SCN3A: variants seen among roughly 807,000 people sequenced by gnomAD.
The protein encoded by SCN3A is sodium channel protein type 3 subunit alpha.
SCN3A carries 60 observed loss-of-function variants against 187.6 expected under a neutral mutation model. The observed-to-expected ratio is 0.32, with a 90% confidence interval of 0.26 to 0.40. The LOEUF is 0.40. Ranked by LOEUF, SCN3A falls within the 10% of genes least tolerant of loss-of-function variation. The pLI is 1.00. For missense variants in SCN3A, 1,601 were observed against 2,428.2 expected (o/e 0.66, Z 7.16); for synonymous variants, 788 against 829.2 (o/e 0.95, Z 0.85).
At chr2:165,120,772 T>G (rs951190781) in intron 18 of SCN3A, among the ~76,000 whole-genome samples, 1 of 150,922 alleles carries the variant, frequency 6.6e-6, no homozygotes, top group Non-Finnish European at 1.5e-5. Context: ...TTGCTTGTCC[T>G]AGGCGGGAAG....
At position 165,170,662 on chromosome 2, in the gene SCN3A, T is replaced by G. The variant is rs192548549; in HGVS notation, c.265-114A>C. The stretch of plus-strand genomic sequence containing the variant: ...AATTTGTTTGTTCAAACTTGTTTGT[T>G]TAAACCAGTTGATATATCATAACTA... On this transcript the variant is annotated intron_variant, in intron 3 of 27. Coordinates refer to ENST00000283254, the MANE Select transcript of SCN3A (RefSeq NM_006922.4). 2.4e-3 allele frequency: 1,668 copies of G among 696,016 alleles called. 45 individuals are homozygous for G. The South Asian group carries it at 0.025, about 11-fold the overall frequency. 43.1% of individuals were successfully genotyped at this position (696,016 alleles called of 1,614,324 possible).
chr2:165,138,165 GTTA>G (rs1559219811), intron 14 of SCN3A, 48 bp from the exon 15 acceptor site: 2 of 1,318,864 alleles, frequency 1.5e-6, no homozygotes, highest in Non-Finnish European at 2.2e-6. Context: ...ACAAAAATGA[GTTA>G]TTATTGCTAG....
At chr2:165,125,069 C>T (rs545824921) in intron 18 of SCN3A, among the ~76,000 whole-genome samples, 1 of 152,132 alleles carries the variant, frequency 6.6e-6, no homozygotes, top group East Asian at 1.9e-4. Context: ...ATTCAACCAA[C>T]ACTTACCTCA....
At position 165,204,004 on chromosome 2, in the gene SCN3A, G is replaced by C. The variant is rs1326377643; in HGVS notation, c.-429C>G. 8.5e-6 allele frequency: 1 copy of C among 118,316 alleles called. No individual in the cohort carries two copies. Among genetic ancestry groups the C allele is most frequent in the African/African-American group, 3.3e-5 (1 of 29,888 alleles). The allele number at this position is 118,316 out of a possible 1,614,324, so 7.3% of individuals were successfully genotyped here. The stretch of plus-strand genomic sequence containing the variant: ...CTTTCTCTGTGGATAAGAAAACAAA[G>C]AGACCTTTCCAGAATCCTCTCTGCT... On this transcript the variant is annotated 5_prime_UTR_variant, in exon 1 of 28. Coordinates refer to ENST00000283254, the MANE Select transcript of SCN3A (RefSeq NM_006922.4).
At chr2:165,177,669 T>C (rs550122356) in intron 2 of SCN3A, among the ~76,000 whole-genome samples, 1 of 152,176 alleles carries the variant, frequency 6.6e-6, no homozygotes, top group South Asian at 2.1e-4. Context: ...ATCACCTGGA[T>C]GAGAAAGAAG....
intron 18 of SCN3A, among the ~76,000 whole-genome samples, chr2:165,125,843 T>G (rs540552212): frequency 5.9e-5 from 9 of 152,218 alleles, no homozygotes; most frequent in Non-Finnish European, 1.2e-4. Context: ...AAATTAGAGT[T>G]GAATTCTTAG....
At chr2:165,143,227 A>C (rs1052273709) in intron 12 of SCN3A, among the ~76,000 whole-genome samples, 15 of 152,180 alleles carry the variant, frequency 9.9e-5, no homozygotes, top group Admixed American at 7.2e-4. Context: ...ACCTCATCCT[A>C]CACTCAGAGA....
intron 11 of SCN3A, among the ~76,000 whole-genome samples, chr2:165,150,985 TTAAA>T (rs1238038846): frequency 6.6e-6 from 1 of 152,186 alleles, no homozygotes; most frequent in African/African-American, 2.4e-5. Context: ...AATAAAACTC[TTAAA>T]TAATTCAAAT....
At chr2:165,129,679 GC>G (rs1456331353) in intron 17 of SCN3A, among the ~76,000 whole-genome samples, 3 of 152,140 alleles carry the variant, frequency 2.0e-5, no homozygotes, top group Admixed American at 1.3e-4. Flanking sequence ...TAATATTTAT[GC>G]CCCCAGGCAT....
At chr2:165,152,547 C>G (rs1443984005) in intron 11 of SCN3A, among the ~76,000 whole-genome samples, 2 of 152,154 alleles carry the variant, frequency 1.3e-5, no homozygotes, top group African/African-American at 4.8e-5. Context: ...GTGCATGTGT[C>G]TTTATAGCAG....
chr2:165,168,253 A>G (rs942477224), intron 5 of SCN3A, among the ~76,000 whole-genome samples: 8 of 152,094 alleles, frequency 5.3e-5, no homozygotes, highest in African/African-American at 1.7e-4. Context: ...TTCAGCACAC[A>G]TGTTGTGTAT....
chr2:165,129,848 A>G (rs531502327), intron 17 of SCN3A, 92 bp downstream of exon 17: 7 of 1,507,918 alleles, frequency 4.6e-6, no homozygotes, highest in African/African-American at 1.4e-5. Context: ...GCCACTTACT[A>G]TAAACCAGAG....
chr2:165,108,538 G>A (rs1685967256), intron 21 of SCN3A, among the ~76,000 whole-genome samples: 1 of 152,112 alleles, frequency 6.6e-6, no homozygotes, highest in African/African-American at 2.4e-5. Flanking sequence ...TTTTACTAGA[G>A]TTTGTTTTTC....
chr2:165,119,190 G>A (rs1686525169), intron 18 of SCN3A, among the ~76,000 whole-genome samples: 1 of 152,218 alleles, frequency 6.6e-6, no homozygotes, highest in South Asian at 2.1e-4. Flanking sequence ...ATAGGCATGA[G>A]CCACTGCATC....
At chr2:165,199,490 A>T (rs13015988) in intron 1 of SCN3A, among the ~76,000 whole-genome samples, 13,007 of 151,808 alleles carry the variant, frequency 0.086, 1,248 homozygotes, top group East Asian at 0.45. Context: ...GTTGTTCTTT[A>T]TTCATAGATC....
intron 15 of SCN3A, among the ~76,000 whole-genome samples, chr2:165,136,692 TATTGAGTGACTAGC>T (rs1687689914): frequency 1.3e-5 from 2 of 152,220 alleles, no homozygotes; most frequent in Non-Finnish European, 2.9e-5. Flanking sequence ...GTGGGTTATT[TATTGAGTGACTAGC>T]ATGTAAACAC....
At chr2:165,180,922 A>G (rs557915773) in intron 2 of SCN3A, among the ~76,000 whole-genome samples, 1 of 152,154 alleles carries the variant, frequency 6.6e-6, no homozygotes, top group Non-Finnish European at 1.5e-5. Context: ...ACTTTTGTTT[A>G]TCGGGGGACT....
At chr2:165,168,714 C>T in intron 5 of SCN3A, 22 bp downstream of exon 5, 2 of 1,515,970 alleles carry the variant, frequency 1.3e-6, no homozygotes, top group African/African-American at 1.4e-5. Context: ...ATTTCTCATT[C>T]CCAGAAGTTA....
intron 2 of SCN3A, among the ~76,000 whole-genome samples, chr2:165,178,553 T>C (rs1690621856): frequency 6.6e-6 from 1 of 152,182 alleles, no homozygotes; most frequent in South Asian, 2.1e-4. Flanking sequence ...TAACGTAAGA[T>C]ATGTCTTTTC....
Sources: allele counts gnomAD v4.1 joint callset (sites outside exome capture counted in the v4.1 genomes callset), GRCh38; gene constraint gnomAD v4.1.1; transcripts MANE v1.5; gene names NCBI Gene and HGNC (gene_info 2026-07-23, HGNC 2026-07-21).